Variants in SUGCT observed in about 807,000 individuals in gnomAD.
SUGCT encodes the protein succinyl-CoA:glutarate-CoA transferase.
In SUGCT, 41 loss-of-function variants were observed where a neutral mutation model predicts 55.0. The ratio of observed to expected loss-of-function variants is 0.74; its 90% CI spans 0.58 to 0.97. The LOEUF is 0.97. SUGCT is among the 50% of genes least tolerant of loss of function. SUGCT has a pLI of 0.00. For missense variants in SUGCT, 568 were observed against 547.8 expected (o/e 1.04, Z -0.37); for synonymous variants, 187 against 200.4 (o/e 0.93, Z 0.56).
the SUGCT span, among the ~76,000 whole-genome samples, chr7:40,934,608 T>C: frequency 6.6e-5 from 10 of 152,196 alleles, no homozygotes; most frequent in Non-Finnish European, 1.5e-4. Context: ...CATTTTGAGC[T>C]TTCTGGCCTC....
chr7:40,733,458 A>G (rs1454994773), intron 12 of SUGCT, among the ~76,000 whole-genome samples: 1 of 152,180 alleles, frequency 6.6e-6, no homozygotes, highest in East Asian at 1.9e-4. Context: ...GTATTTCCCC[A>G]TCCACACAAA....
intron 9 of SUGCT, among the ~76,000 whole-genome samples, chr7:40,361,877 T>C (rs1036192848): frequency 1.3e-5 from 2 of 151,916 alleles, no homozygotes; most frequent in Admixed American, 1.3e-4. Context: ...TCTTAAGAAA[T>C]ATCCTGATGC....
At chr7:40,307,699 T>A (rs1794912748) in intron 8 of SUGCT, among the ~76,000 whole-genome samples, 1 of 152,198 alleles carries the variant, frequency 6.6e-6, no homozygotes, top group Admixed American at 6.5e-5. Context: ...TACTAGAAAC[T>A]GATAAACGTG....
chr7:40,989,350 C>G, the SUGCT span, among the ~76,000 whole-genome samples: 10 of 152,310 alleles, frequency 6.6e-5, no homozygotes, highest in Admixed American at 4.6e-4. Context: ...TATTCTAAAT[C>G]ATTTTTGTCA....
intron 1 of SUGCT, among the ~76,000 whole-genome samples, chr7:40,145,586 G>A (rs533993202): frequency 3.3e-5 from 5 of 151,346 alleles, no homozygotes; most frequent in African/African-American, 1.2e-4. Context: ...ACTAGTCTAA[G>A]GCCACAAGAT....
chr7:40,797,050 T>TC (rs1276301818), intron 13 of SUGCT, among the ~76,000 whole-genome samples: 1 of 152,156 alleles, frequency 6.6e-6, no homozygotes, highest in East Asian at 1.9e-4. Flanking sequence ...CAAAGGATTT[T>TC]CTAGTGCTCA....
In SUGCT at chr7:40,257,881, A is replaced by T. The variant is rs150622643; in HGVS notation, c.577-16632A>T. On this transcript the variant is annotated intron_variant, in intron 7 of 13. Coordinates refer to ENST00000335693, the MANE Select transcript of SUGCT (RefSeq NM_001193313.2). ...AGGGCAAGACTACGTCTCAGAAAAAAAAATAAATAAATAAAATTTAAGTAT... is the reference window on the plus strand; with the variant it reads ...AGGGCAAGACTACGTCTCAGAAAAATAAATAAATAAATAAAATTTAAGTAT... 3.0e-4 allele frequency among the ~76,000 whole-genome samples: 46 copies of T among 152,298 alleles called. 2 individuals carry two copies. The South Asian group carries it at 4.1e-3, about 14-fold the overall frequency.
At chr7:40,680,688 A>G (rs2151884893) in intron 12 of SUGCT, among the ~76,000 whole-genome samples, 1 of 152,280 alleles carries the variant, frequency 6.6e-6, no homozygotes, top group African/African-American at 2.4e-5. Context: ...AAATTATGAA[A>G]TTTATAACTG....
At chr7:41,008,099 C>G in the SUGCT span, among the ~76,000 whole-genome samples, 5 of 152,212 alleles carry the variant, frequency 3.3e-5, no homozygotes, top group Non-Finnish European at 5.9e-5. Flanking sequence ...TATCCTCCCC[C>G]TCCCGTAGAC....
chr7:40,867,881 C>T, the SUGCT span, among the ~76,000 whole-genome samples: 11 of 152,288 alleles, frequency 7.2e-5, no homozygotes, highest in Non-Finnish European at 1.6e-4. Flanking sequence ...TGGTGGTTCT[C>T]TTCTATTAAA....
At chr7:40,141,201 A>G (rs1419263294) in intron 1 of SUGCT, among the ~76,000 whole-genome samples, 2 of 149,766 alleles carry the variant, frequency 1.3e-5, no homozygotes, top group Non-Finnish European at 3.0e-5. Context: ...TTTTTTTGAG[A>G]CAGTCTTGCT....
At chr7:40,153,148 T>G (rs1425023267) in intron 1 of SUGCT, 1 of 227,322 alleles carries the variant, frequency 4.4e-6, no homozygotes, top group Non-Finnish European at 8.6e-6. Flanking sequence ...GTTCATTCAC[T>G]ACAATGTTTT....
At chr7:40,485,325 A>G (rs1791269050) in intron 11 of SUGCT, among the ~76,000 whole-genome samples, 1 of 151,730 alleles carries the variant, frequency 6.6e-6, no homozygotes, top group Non-Finnish European at 1.5e-5. Flanking sequence ...ATGACTTTGA[A>G]GGAATGTAGA....
intron 9 of SUGCT, among the ~76,000 whole-genome samples, chr7:40,320,639 C>A (rs1330769252): frequency 6.6e-6 from 1 of 152,210 alleles, no homozygotes; most frequent in Non-Finnish European, 1.5e-5. Context: ...ATTTCTTCAA[C>A]CTTCTAGGAA....
chr7:40,255,763 C>T (rs562964602), intron 7 of SUGCT, among the ~76,000 whole-genome samples: 1 of 150,110 alleles, frequency 6.7e-6, no homozygotes, highest in South Asian at 2.1e-4. Context: ...CTCATTGCTC[C>T]TTGATATTTT....
chr7:40,420,237 G>C (rs1038818130), intron 9 of SUGCT, among the ~76,000 whole-genome samples: 4 of 152,182 alleles, frequency 2.6e-5, no homozygotes, highest in African/African-American at 4.8e-5. Context: ...TGCAGTGAAA[G>C]TGTCTTGAGA....
chr7:40,749,070 C>T (rs373348489), intron 12 of SUGCT, among the ~76,000 whole-genome samples: 2 of 152,090 alleles, frequency 1.3e-5, no homozygotes, highest in African/African-American at 2.4e-5. Context: ...TGACCTTGGC[C>T]GAGTCCTGCC....
At chr7:40,335,658 T>G (rs1410871677) in intron 9 of SUGCT, among the ~76,000 whole-genome samples, 3 of 152,090 alleles carry the variant, frequency 2.0e-5, no homozygotes, top group Non-Finnish European at 2.9e-5. Flanking sequence ...GCTGAGACAA[T>G]GGGTTTTCTA....
chr7:40,633,292 TTGAATAC>T (rs934995694), intron 12 of SUGCT, among the ~76,000 whole-genome samples: 2 of 152,216 alleles, frequency 1.3e-5, no homozygotes, highest in Non-Finnish European at 2.9e-5. Flanking sequence ...TTTAAGTCTA[TTGAATAC>T]TTAGTATTGA....
Sources: allele counts gnomAD v4.1 joint callset (sites outside exome capture counted in the v4.1 genomes callset), GRCh38; gene constraint gnomAD v4.1.1; transcripts MANE v1.5; gene names NCBI Gene and HGNC (gene_info 2026-07-23, HGNC 2026-07-21).